Variants in FIGNL2 observed in about 807,000 individuals in gnomAD.
FIGNL2 encodes fidgetin like 2, also known as fidgetin-like protein 2.
For synonymous variants in FIGNL2, 565 were observed against 484.0 expected, an observed-to-expected ratio of 1.17 and a Z score of -2.20; for missense variants, 1,060 against 950.2, an observed-to-expected ratio of 1.12 and a Z score of -1.52.
intron 1 of FIGNL2, among the ~76,000 whole-genome samples, chr12:51,833,538 C>T (rs1939510946): frequency 1.3e-5 from 2 of 152,198 alleles, no homozygotes; most frequent in African/African-American, 4.8e-5. Context: ...GGTCGGCTTC[C>T]ATTACCTCTC....
At chr12:51,836,322 G>A (rs923802549) in intron 1 of FIGNL2, among the ~76,000 whole-genome samples, 1 of 152,110 alleles carries the variant, frequency 6.6e-6, no homozygotes, top group African/African-American at 2.4e-5. Context: ...GGGCTGCGCT[G>A]CCCTCCCCCA....
At chr12:51,847,677 G>T in intron 1 of FIGNL2, 1 of 985,434 alleles carries the variant, frequency 1.0e-6, no homozygotes. Context: ...GGCGGGGGCA[G>T]GGGGACCAGC....
At position 51,848,625 on chromosome 12, in the gene FIGNL2, G is replaced by A; in HGVS notation, c.-97C>T. ...GGACCGGGGCGGCGGCGCGGGCCGG[G>A]GGCGACAGGCCTGGGCTGGGGGGCA... On this transcript the variant is annotated 5_prime_UTR_variant, in exon 1 of 2. Coordinates refer to ENST00000618634, the MANE Select transcript of FIGNL2 (RefSeq NM_001384995.1). 5.1e-6 allele frequency: 4 copies of A among 782,548 alleles called. No individual in the cohort carries two copies. The highest frequency in any genetic ancestry group is 6.2e-6 in the Non-Finnish European group (4 of 645,244). 48.5% of individuals were successfully genotyped at this position (782,548 alleles called of 1,614,324 possible). A position where few individuals can be genotyped will look rare whatever the true frequency, so the allele number is the denominator to read the frequency against.
chr12:51,827,935 G>A (rs1939378043), intron 1 of FIGNL2, among the ~76,000 whole-genome samples: 1 of 152,174 alleles, frequency 6.6e-6, no homozygotes, highest in Non-Finnish European at 1.5e-5. Flanking sequence ...CACATCTTCA[G>A]GGTCACATGG....
In FIGNL2 at chr12:51,822,293, G is replaced by A. The variant is rs1490342134; in HGVS notation, c.121C>T (p.Arg41Cys). ...TCGTGTGCCCAAGCGTAGTGGCAGC[G>A]TTGGCGACCCCCAGGGGGCAACTCC... ...KLELPPGGRQ[R>C]CHYAWAHDDI... The change falls in exon 2 of 2, where the codon CGC becomes TGC. Residue 41 changes from arginine to cysteine, a missense_variant. Physicochemically the swap from Arg to Cys is radical, Grantham distance 180 (BLOSUM62 -3). Transcript: ENST00000618634. 5 of 1,611,736 alleles carry A rather than the reference G, an allele frequency of 3.1e-6. No homozygotes were observed. Among genetic ancestry groups the A allele is most frequent in the East Asian group, 2.2e-5 (1 of 44,836 alleles).
intron 1 of FIGNL2, among the ~76,000 whole-genome samples, chr12:51,846,756 G>A (rs555105084): frequency 1.1e-4 from 16 of 152,260 alleles, no homozygotes; most frequent in African/African-American, 3.8e-4. Context: ...TCCCCCCGAG[G>A]AATGCGGGTC....
intron 1 of FIGNL2, among the ~76,000 whole-genome samples, chr12:51,823,061 C>T (rs1320166300): frequency 6.6e-6 from 1 of 152,220 alleles, no homozygotes; most frequent in African/African-American, 2.4e-5. Flanking sequence ...CATGGGAAAC[C>T]TCAGTGGCTG....
rs1939801643 is a variant in FIGNL2 at position 51,848,583 on chromosome 12, G to A, written c.-55C>T. 1 of 978,288 alleles carries A rather than the reference G, an allele frequency of 1.0e-6. No homozygotes were observed. Among genetic ancestry groups the A allele is most frequent in the African/African-American group, 1.8e-5 (1 of 57,010 alleles). The allele number at this position is 978,288 out of a possible 1,614,324, so 60.6% of individuals were successfully genotyped here. A position where few individuals can be genotyped will look rare whatever the true frequency, so the allele number is the denominator to read the frequency against. ...TCCTAGGTGAGTGTGCGCGGCCTGG[G>A]GGCGCGTCCGGCCCGGGGACCGGGG... On this transcript the variant is annotated 5_prime_UTR_variant, in exon 1 of 2. Transcript: ENST00000618634.
intron 1 of FIGNL2, among the ~76,000 whole-genome samples, chr12:51,844,384 T>G (rs1436296265): frequency 1.3e-5 from 2 of 152,052 alleles, no homozygotes; most frequent in East Asian, 1.9e-4. Flanking sequence ...TGTCCATACC[T>G]CGGTACTAAA....
chr12:51,843,064 A>C (rs1230679644), intron 1 of FIGNL2, among the ~76,000 whole-genome samples: 1 of 152,212 alleles, frequency 6.6e-6, no homozygotes, highest in Non-Finnish European at 1.5e-5. Context: ...GGGAGGCTGC[A>C]GGTGGCTAAG....
intron 1 of FIGNL2, chr12:51,828,302 C>T (rs1482618607): frequency 2.0e-5 from 3 of 152,162 alleles, no homozygotes; most frequent in African/African-American, 7.2e-5. Flanking sequence ...AGCTGGGACT[C>T]TGTGGAGAAA....
intron 1 of FIGNL2, chr12:51,825,673 G>A (rs1939326552): frequency 6.7e-6 from 1 of 149,852 alleles, no homozygotes; most frequent in Non-Finnish European, 1.5e-5. Flanking sequence ...CTGGAGTGCA[G>A]TGGCGCGATC....
chr12:51,847,087 G>A, intron 1 of FIGNL2: 1 of 985,398 alleles, frequency 1.0e-6, no homozygotes, highest in Non-Finnish European at 1.2e-6. Flanking sequence ...GGTGGCGGCG[G>A]CACCACAGCA....
chr12:51,848,236 G>A (rs893265919), intron 1 of FIGNL2: 14 of 984,218 alleles, frequency 1.4e-5, no homozygotes, highest in African/African-American at 7.0e-5. Flanking sequence ...CCCCGAGCCG[G>A]CTGCTCGCTT....
chr12:51,845,724 G>T, intron 1 of FIGNL2: 1 of 958,980 alleles, frequency 1.0e-6, no homozygotes, highest in Non-Finnish European at 1.2e-6. Flanking sequence ...GACGGCAGGG[G>T]GAGGGGAAGG....
intron 1 of FIGNL2, chr12:51,848,229 C>T (rs1939794216): frequency 3.0e-6 from 3 of 984,320 alleles, no homozygotes; most frequent in Non-Finnish European, 3.6e-6. Context: ...CAGACGCCCC[C>T]GAGCCGGCTG....
intron 1 of FIGNL2, chr12:51,825,702 C>T (rs866757214): frequency 2.0e-5 from 3 of 151,316 alleles, no homozygotes; most frequent in Admixed American, 6.6e-5. Flanking sequence ...CTGCAAGCTC[C>T]GCCTCCCGGG....
At position 51,821,193 on chromosome 12, in the gene FIGNL2, C is replaced by G. The variant is rs756316690; in HGVS notation, c.1221G>C (p.Glu407Asp). The change falls in exon 2 of 2, where the codon GAG becomes GAC. Residue 407 changes from glutamate (E) to aspartate (D), a missense_variant. Glu to Asp is a conservative substitution (Grantham distance 45). Coordinates refer to ENST00000618634, the MANE Select transcript of FIGNL2 (RefSeq NM_001384995.1). ...QGALKAALEE[E>D]LVWPLLRPPA... ...GCGGCCTGAGCAGGGGCCACACCAG[C>G]TCCTCCTCCAGCGCCGCCTTGAGCG... 6.5e-5 allele frequency: 98 copies of G among 1,518,244 alleles called. No individual in the cohort carries two copies. In the South Asian group the frequency reaches 8.3e-4, roughly 13 times the overall value. 94.0% of individuals were successfully genotyped at this position (1,518,244 alleles called of 1,614,324 possible).
intron 1 of FIGNL2, among the ~76,000 whole-genome samples, chr12:51,829,055 C>T (rs2138983567): frequency 1.3e-5 from 2 of 152,284 alleles, no homozygotes; most frequent in Middle Eastern, 6.8e-3. Flanking sequence ...CCAAACTGGG[C>T]TGGGGGCAGG....
Sources: allele counts gnomAD v4.1 joint callset (sites outside exome capture counted in the v4.1 genomes callset), GRCh38; gene constraint gnomAD v4.1.1; transcripts MANE v1.5; gene names NCBI Gene and HGNC (gene_info 2026-07-23, HGNC 2026-07-21).